Variants in DTNA observed in about 807,000 individuals in gnomAD.
The protein encoded by DTNA is dystrobrevin alpha.
DTNA carries 43 observed loss-of-function variants against 100.7 expected under a neutral mutation model. The ratio of observed to expected loss-of-function variants is 0.43; its 90% CI spans 0.33 to 0.55. The LOEUF (loss-of-function observed/expected upper bound fraction) is 0.55. Among genes scored for constraint, DTNA ranks in the 20% least tolerant of loss-of-function variants. The pLI is 0.04. For missense variants in DTNA, 798 were observed against 953.9 expected, an observed-to-expected ratio of 0.84 and a Z score of 2.15; for synonymous variants, 349 against 347.9, an observed-to-expected ratio of 1.00 and a Z score of -0.04.
intron 1 of DTNA, among the ~76,000 whole-genome samples, chr18:34,543,045 T>C (rs2044402948): frequency 6.6e-6 from 1 of 152,068 alleles, no homozygotes; most frequent in Non-Finnish European, 1.5e-5. Context: ...AACAATCTTA[T>C]TTAGTAGTAT....
intron 1 of DTNA, among the ~76,000 whole-genome samples, chr18:34,541,031 G>T (rs1489881845): frequency 2.0e-5 from 3 of 151,952 alleles, no homozygotes; most frequent in African/African-American, 7.3e-5. Flanking sequence ...CATTTTTATG[G>T]GTTGTAAAAA....
rs1247254499 is a variant in DTNA at position 34,848,395 on chromosome 18, G to T, written c.1434+12G>T. On this transcript the variant is annotated intron_variant, in intron 14 of 22. Coordinates refer to ENST00000444659, the MANE Select transcript of DTNA (RefSeq NM_001386795.1). ...AGTCCTCTTCGTCTGTAAGTAGTTGGAGTAAAAGGATTCGTCTGTTGGCAT... is the reference window on the plus strand; with the variant it reads ...AGTCCTCTTCGTCTGTAAGTAGTTGTAGTAAAAGGATTCGTCTGTTGGCAT... The T allele has an allele frequency of 1.2e-6, 2 of 1,613,668 alleles. No homozygotes were observed. Among genetic ancestry groups the T allele is most frequent in the Non-Finnish European group, 1.7e-6 (2 of 1,179,738 alleles).
chr18:34,728,312 A>G (rs2087227803), intron 1 of DTNA, among the ~76,000 whole-genome samples: 1 of 152,218 alleles, frequency 6.6e-6, no homozygotes. Flanking sequence ...TTAGTTTATG[A>G]AAAGCAGTAT....
At chr18:34,781,790 A>C (rs958809705) in intron 3 of DTNA, among the ~76,000 whole-genome samples, 1 of 152,248 alleles carries the variant, frequency 6.6e-6, no homozygotes, top group African/African-American at 2.4e-5. Context: ...ATAGTACAGA[A>C]TGAATGAAGT....
chr18:34,746,705 A>C (rs2091640179), intron 1 of DTNA, among the ~76,000 whole-genome samples: 1 of 152,108 alleles, frequency 6.6e-6, no homozygotes, highest in African/African-American at 2.4e-5. Flanking sequence ...CCTCTGAGAC[A>C]CTCTAATAAC....
rs115950114 is a variant in DTNA at position 34,622,715 on chromosome 18, C to T, written c.-2+129201C>T. Among the ~76,000 whole-genome samples the T allele has an allele frequency of 6.4e-3, 974 of 152,298 alleles. 7 individuals carry two copies. Among genetic ancestry groups the T allele is most frequent in the African/African-American group, 0.023 (937 of 41,562 alleles). On this transcript the variant is annotated intron_variant, in intron 1 of 19. Coordinates refer to the DTNA transcript ENST00000283365. ...CCTGTCCTTGGACAACAACTCCAGGCTCCCTAGCTTTTAGACTTACGTTAT... is the reference window on the plus strand; with the variant it reads ...CCTGTCCTTGGACAACAACTCCAGGTTCCCTAGCTTTTAGACTTACGTTAT...
chr18:34,745,823 G>T (rs141135979), intron 1 of DTNA, among the ~76,000 whole-genome samples: 6 of 152,142 alleles, frequency 3.9e-5, no homozygotes, highest in Non-Finnish European at 8.8e-5. Flanking sequence ...TGCAAGAACT[G>T]TAATGCCTTT....
intron 16 of DTNA, among the ~76,000 whole-genome samples, chr18:34,862,733 G>A (rs1268968653): frequency 6.6e-6 from 1 of 152,060 alleles, no homozygotes; most frequent in African/African-American, 2.4e-5. Flanking sequence ...CCAGGAGACT[G>A]AGGTTACAAT....
intron 3 of DTNA, among the ~76,000 whole-genome samples, chr18:34,787,185 ACTAAAG>A (rs1415293240): frequency 6.6e-6 from 1 of 152,204 alleles, no homozygotes; most frequent in African/African-American, 2.4e-5. Flanking sequence ...TTCCATAATG[ACTAAAG>A]CTAAGTCACT....
Position 34,499,601 on chromosome 18 carries a change from A to G in DTNA, c.-2+6087A>G, listed in dbSNP as rs537153827. ...CATCCCCATCAACAATATATGAGAA[A>G]TAAGTTTCTCTGTATCTTCGCTAGC... is the stretch of plus-strand genomic sequence containing the variant. On this transcript the variant is annotated intron_variant, in intron 1 of 19. Transcript: ENST00000283365. Among the ~76,000 whole-genome samples the G allele has an allele frequency of 2.6e-5, 4 of 152,322 alleles. No homozygotes were observed. In the South Asian group the frequency reaches 8.3e-4, roughly 32 times the overall value.
intron 1 of DTNA, among the ~76,000 whole-genome samples, chr18:34,533,099 A>G (rs890179867): frequency 6.6e-6 from 1 of 152,012 alleles, no homozygotes; most frequent in South Asian, 2.1e-4. Flanking sequence ...GGCTGGATGC[A>G]GTGGCTCATT....
At chr18:34,502,528 T>C (rs534798944) in intron 1 of DTNA, among the ~76,000 whole-genome samples, 4 of 152,242 alleles carry the variant, frequency 2.6e-5, no homozygotes, top group Non-Finnish European at 4.4e-5. Context: ...CTGCTGTCAC[T>C]GTATCCCATA....
chr18:34,509,713 C>A (rs573191478), intron 1 of DTNA, among the ~76,000 whole-genome samples: 77 of 152,078 alleles, frequency 5.1e-4, no homozygotes, highest in Admixed American at 1.0e-3. Context: ...GTGCTTAAAC[C>A]TTTTTTTGTT....
chr18:34,755,951 A>T (rs6650658), intron 1 of DTNA, 25 bp from the exon 2 acceptor site: 3 of 1,605,650 alleles, frequency 1.9e-6, no homozygotes, highest in Non-Finnish European at 2.6e-6. Context: ...AGGATAATAC[A>T]CATTGTAACT....
intron 1 of DTNA, among the ~76,000 whole-genome samples, chr18:34,533,855 A>C (rs1879690): frequency 2.6e-5 from 4 of 152,130 alleles, no homozygotes; most frequent in Non-Finnish European, 5.9e-5. Context: ...CGTTCTAAAA[A>C]TAAACAAGAG....
chr18:34,554,229 CCT>C (rs2045776230), intron 1 of DTNA, among the ~76,000 whole-genome samples: 1 of 126,374 alleles, frequency 7.9e-6, no homozygotes, highest in African/African-American at 3.2e-5. Flanking sequence ...GATTTTGTAT[CCT>C]GAGACTTTGC....
chr18:34,505,106 A>C (rs1568551800), intron 1 of DTNA, among the ~76,000 whole-genome samples: 1 of 152,238 alleles, frequency 6.6e-6, no homozygotes, highest in Non-Finnish European at 1.5e-5. Context: ...TCAGTTTCAC[A>C]GGGCTAACGT....
chr18:34,523,065 G>A (rs1734253368), intron 1 of DTNA, among the ~76,000 whole-genome samples: 1 of 152,196 alleles, frequency 6.6e-6, no homozygotes, highest in South Asian at 2.1e-4. Flanking sequence ...GAAGTAACTT[G>A]TTAGAGACCC....
intron 1 of DTNA, among the ~76,000 whole-genome samples, chr18:34,617,590 T>C (rs1043440824): frequency 6.6e-6 from 1 of 152,178 alleles, no homozygotes; most frequent in Admixed American, 6.6e-5. Flanking sequence ...ATTTTCTTTT[T>C]TGTTGCGTCT....
Sources: allele counts gnomAD v4.1 joint callset (sites outside exome capture counted in the v4.1 genomes callset), GRCh38; gene constraint gnomAD v4.1.1; transcripts MANE v1.5; gene names NCBI Gene and HGNC (gene_info 2026-07-23, HGNC 2026-07-21).